Variants in SPIRE1 observed in about 807,000 individuals in gnomAD.
The protein encoded by SPIRE1 is spire type actin nucleation factor 1.
In SPIRE1, 40 loss-of-function variants were observed where a neutral mutation model predicts 94.1. That is an observed-to-expected ratio of 0.43 (90% CI 0.33 to 0.55). The LOEUF is 0.55. SPIRE1 is among the 20% of genes least tolerant of loss of function. The pLI is 0.06. For synonymous variants in SPIRE1, 376 were observed against 371.7 expected, an observed-to-expected ratio of 1.01 and a Z score of -0.13; for missense variants, 838 against 975.2, an observed-to-expected ratio of 0.86 and a Z score of 1.87.
intron 10 of SPIRE1, among the ~76,000 whole-genome samples, chr18:12,478,148 G>A (rs529649351): frequency 1.3e-5 from 2 of 151,978 alleles, no homozygotes; most frequent in African/African-American, 2.4e-5. Flanking sequence ...AGTGGAGACC[G>A]ATGAGAGGAG....
intron 2 of SPIRE1, among the ~76,000 whole-genome samples, chr18:12,579,194 CACACAT>C (rs147200702): frequency 0.07 from 5,211 of 74,616 alleles, 119 homozygotes; most frequent in African/African-American, 0.11. Flanking sequence ...TTTACACACA[CACACAT>C]ACACACACAC....
chr18:12,537,503 T>C (rs1285877534), intron 3 of SPIRE1, among the ~76,000 whole-genome samples: 1 of 152,206 alleles, frequency 6.6e-6, no homozygotes, highest in Non-Finnish European at 1.5e-5. Context: ...GCACATTCAA[T>C]TGAATTCACA....
intron 4 of SPIRE1, among the ~76,000 whole-genome samples, chr18:12,526,654 C>T (rs987944476): frequency 6.6e-6 from 1 of 152,018 alleles, no homozygotes; most frequent in African/African-American, 2.4e-5. Flanking sequence ...ATGGAATAAA[C>T]GTTAGCAGTA....
At chr18:12,539,688 G>T (rs1785361) in intron 3 of SPIRE1, among the ~76,000 whole-genome samples, 2 of 151,678 alleles carry the variant, frequency 1.3e-5, no homozygotes, top group Admixed American at 1.3e-4. Context: ...CAGCACTTTG[G>T]GAGGCTGAGG....
At chr18:12,593,637 G>A (rs12955162) in intron 2 of SPIRE1, among the ~76,000 whole-genome samples, 13,470 of 152,276 alleles carry the variant, frequency 0.088, 829 homozygotes, top group Non-Finnish European at 0.13. Flanking sequence ...TTATGGTTTA[G>A]TGGGAGATAC....
At chr18:12,508,007 G>A (rs1053323076) in intron 5 of SPIRE1, among the ~76,000 whole-genome samples, 7 of 151,954 alleles carry the variant, frequency 4.6e-5, no homozygotes, top group African/African-American at 1.7e-4. Flanking sequence ...TTAGCCGGGT[G>A]TGGTGGCACG....
At chr18:12,641,420 G>A (rs1222218900) in intron 1 of SPIRE1, among the ~76,000 whole-genome samples, 2 of 149,926 alleles carry the variant, frequency 1.3e-5, no homozygotes, top group Admixed American at 6.7e-5. Flanking sequence ...CCAGTCTAGA[G>A]TGCAGTGGCA....
chr18:12,537,367 C>T (rs1311614777), intron 3 of SPIRE1, among the ~76,000 whole-genome samples: 2 of 152,140 alleles, frequency 1.3e-5, no homozygotes, highest in South Asian at 2.1e-4. Flanking sequence ...GGCATAAAGC[C>T]ACTGGGTTTC....
chr18:12,541,254 G>A (rs1163657140), intron 3 of SPIRE1, among the ~76,000 whole-genome samples: 1 of 152,042 alleles, frequency 6.6e-6, no homozygotes, highest in African/African-American at 2.4e-5. Flanking sequence ...TTGCTTTAAG[G>A]CCTGGAATAC....
chr18:12,515,288 G>A (rs936489561), intron 4 of SPIRE1, among the ~76,000 whole-genome samples: 2 of 152,098 alleles, frequency 1.3e-5, no homozygotes, highest in Non-Finnish European at 2.9e-5. Context: ...GCTGAGGCAT[G>A]AGGACTGCTT....
At chr18:12,556,606 T>A (rs968379055) in intron 2 of SPIRE1, among the ~76,000 whole-genome samples, 20 of 152,046 alleles carry the variant, frequency 1.3e-4, no homozygotes, top group Admixed American at 5.9e-4. Context: ...GCTTCAGGAG[T>A]GAAGCTGCAG....
At chr18:12,596,362 T>C (rs1161152543) in intron 2 of SPIRE1, among the ~76,000 whole-genome samples, 1 of 152,262 alleles carries the variant, frequency 6.6e-6, no homozygotes, top group Non-Finnish European at 1.5e-5. Context: ...TGTCATTGCA[T>C]AGACATTTAA....
chr18:12,479,906 C>T (rs772527326), intron 9 of SPIRE1, 35 bp from the exon 10 acceptor site: 8 of 1,591,774 alleles, frequency 5.0e-6, no homozygotes, highest in Non-Finnish European at 3.4e-6. Flanking sequence ...TTTTCTTGAG[C>T]CAAGAAAGGT....
intron 2 of SPIRE1, among the ~76,000 whole-genome samples, chr18:12,624,726 T>C (rs2037572522): frequency 6.7e-6 from 1 of 148,548 alleles, no homozygotes; most frequent in Admixed American, 6.8e-5. Flanking sequence ...TCCCAGCTAT[T>C]TGGGAGGCTG....
chr18:12,594,581 A>G (rs1252834834), intron 2 of SPIRE1, among the ~76,000 whole-genome samples: 4 of 152,258 alleles, frequency 2.6e-5, no homozygotes, highest in African/African-American at 9.6e-5. Flanking sequence ...TTAGAAGAAT[A>G]TAAAATGCTA....
intron 2 of SPIRE1, among the ~76,000 whole-genome samples, chr18:12,617,734 T>C (rs1409874427): frequency 6.6e-6 from 1 of 151,988 alleles, no homozygotes; most frequent in Non-Finnish European, 1.5e-5. Flanking sequence ...TTTTATACTT[T>C]TAGTAGAGAC....
intron 2 of SPIRE1, among the ~76,000 whole-genome samples, chr18:12,599,681 AG>A (rs1245907065): frequency 6.6e-6 from 1 of 152,212 alleles, no homozygotes. Flanking sequence ...ATGTTTCTGC[AG>A]GTTATGCACA....
In SPIRE1 at chr18:12,512,489, T is replaced by C. The variant is rs924421652; in HGVS notation, c.772A>G (p.Ser258Gly). ...TTTTTCAGCTCTTCCAAGTCTGTGC[T>C]AGATTCATCGCTCTTTTCCATTTCT... is the stretch of plus-strand genomic sequence containing the variant. ...IQEMEKSDES[S>G]TDLEELKNAD... Residue 258 changes from serine (S) to glycine (G), a missense_variant, in exon 5 of 17, where the codon AGC (serine) becomes GGC (glycine). Physicochemically the swap from Ser to Gly is moderately conservative, Grantham distance 56 (BLOSUM62 0). Coordinates refer to ENST00000409402, the MANE Select transcript of SPIRE1 (RefSeq NM_001128626.2). 6.2e-7 allele frequency: 1 copy of C among 1,613,012 alleles called. No homozygotes were observed. The highest frequency in any genetic ancestry group is 8.5e-7 in the Non-Finnish European group (1 of 1,179,234).
At chr18:12,555,580 T>A (rs1028799836) in intron 2 of SPIRE1, among the ~76,000 whole-genome samples, 1 of 152,178 alleles carries the variant, frequency 6.6e-6, no homozygotes. Flanking sequence ...ATATGATTAT[T>A]CCAACTGATG....
Sources: allele counts gnomAD v4.1 joint callset (sites outside exome capture counted in the v4.1 genomes callset), GRCh38; gene constraint gnomAD v4.1.1; transcripts MANE v1.5; gene names NCBI Gene and HGNC (gene_info 2026-07-23, HGNC 2026-07-21).